SLC22A3: variants seen among roughly 807,000 people sequenced by gnomAD.
The protein encoded by SLC22A3 is solute carrier family 22 member 3.
Under a neutral mutation model 59.1 loss-of-function variants are expected in SLC22A3, and 51 were observed. The ratio of observed to expected loss-of-function variants is 0.86; its 90% CI spans 0.69 to 1.09. SLC22A3 has a LOEUF of 1.09. SLC22A3 is among the 50% of genes least tolerant of loss of function. SLC22A3 has a pLI of 0.00. For missense variants in SLC22A3, 711 were observed against 726.3 expected (o/e 0.98, Z 0.24); for synonymous variants, 325 against 292.0 (o/e 1.11, Z -1.15).
intron 1 of SLC22A3, among the ~76,000 whole-genome samples, chr6:160,364,289 G>A (rs1785127350): frequency 6.6e-6 from 1 of 152,166 alleles, no homozygotes; most frequent in African/African-American, 2.4e-5. Context: ...TGGCTGCATA[G>A]GGGCCCTAAA....
chr6:160,423,157 G>T (rs150728482), intron 5 of SLC22A3, among the ~76,000 whole-genome samples: 4,497 of 152,242 alleles, frequency 0.03, 216 homozygotes, highest in African/African-American at 0.1. Flanking sequence ...CAAAGGACAT[G>T]AACTCATCCT....
chr6:160,355,639 G>A (rs1261672823), intron 1 of SLC22A3, among the ~76,000 whole-genome samples: 1 of 151,994 alleles, frequency 6.6e-6, no homozygotes, highest in Admixed American at 6.5e-5. Context: ...AGGCATGGTG[G>A]CGGCTGCCTG....
intron 1 of SLC22A3, among the ~76,000 whole-genome samples, chr6:160,386,155 G>T (rs1212820715): frequency 6.6e-6 from 1 of 152,238 alleles, no homozygotes. Context: ...CTGTGCACAT[G>T]AAGGAGCCTC....
At chr6:160,436,642 A>G (rs1172121718) in intron 5 of SLC22A3, 138 bp from the exon 6 acceptor site, 2 of 653,168 alleles carry the variant, frequency 3.1e-6, no homozygotes, top group Non-Finnish European at 5.4e-6. Context: ...AAGTGTTTTA[A>G]TTGTCAGGTT....
chr6:160,403,184 A>C (rs561155948), intron 2 of SLC22A3, among the ~76,000 whole-genome samples: 1 of 151,784 alleles, frequency 6.6e-6, no homozygotes, highest in East Asian at 1.9e-4. Context: ...TTGAAGACAT[A>C]AATTACTAAT....
chr6:160,396,840 A>T (rs910117791), intron 1 of SLC22A3, among the ~76,000 whole-genome samples: 3 of 152,194 alleles, frequency 2.0e-5, no homozygotes, highest in Non-Finnish European at 1.5e-5. Context: ...CCACAGGAAA[A>T]TTTTAAAAAT....
intron 1 of SLC22A3, among the ~76,000 whole-genome samples, chr6:160,362,728 C>A (rs1266379483): frequency 6.6e-6 from 1 of 152,180 alleles, no homozygotes; most frequent in Middle Eastern, 3.2e-3. Context: ...AGGGCATGAG[C>A]CTTCTGGCAT....
At chr6:160,377,117 C>T (rs1785624664) in intron 1 of SLC22A3, among the ~76,000 whole-genome samples, 1 of 152,122 alleles carries the variant, frequency 6.6e-6, no homozygotes, top group Non-Finnish European at 1.5e-5. Context: ...TTTCCATGGG[C>T]AGAGCTCTTC....
At chr6:160,438,280 G>A (rs1788423457) in intron 7 of SLC22A3, among the ~76,000 whole-genome samples, 1 of 152,086 alleles carries the variant, frequency 6.6e-6, no homozygotes, top group Non-Finnish European at 1.5e-5. Flanking sequence ...GGGAGGAGGA[G>A]GGCTTCACAT....
chr6:160,374,155 T>C (rs1024724839), intron 1 of SLC22A3, among the ~76,000 whole-genome samples: 1 of 152,244 alleles, frequency 6.6e-6, no homozygotes, highest in African/African-American at 2.4e-5. Flanking sequence ...CGAGGGAATC[T>C]CCTGATCTGC....
intron 10 of SLC22A3, among the ~76,000 whole-genome samples, chr6:160,448,540 T>C (rs1355445696): frequency 1.3e-5 from 2 of 152,122 alleles, no homozygotes; most frequent in African/African-American, 2.4e-5. Flanking sequence ...TAATAGATGA[T>C]AGATAATAAA....
chr6:160,388,486 T>C lies in SLC22A3; in HGVS notation c.430-9493T>C, dbSNP rs427888. ...AGTTCCCAGATGATGCTGTTGCTGC[T>C]AGACCAGGAACCACACTTTGAGAAC... On this transcript the variant is annotated intron_variant, in intron 1 of 10. Coordinates refer to ENST00000275300, the MANE Select transcript of SLC22A3 (RefSeq NM_021977.4). 5.2e-3 allele frequency among the ~76,000 whole-genome samples: 796 copies of C among 152,322 alleles called. 12 individuals carry two copies. The East Asian group carries it at 0.062, about 12-fold the overall frequency.
At chr6:160,412,997 C>CTAGAAAGGAATATAGAAAAATAAGAATA (rs1167691772) in intron 5 of SLC22A3, among the ~76,000 whole-genome samples, 8 of 149,482 alleles carry the variant, frequency 5.4e-5, no homozygotes, top group Admixed American at 1.3e-4. Context: ...AAATAGGCAT[C>CTAGAAAGGAATATAGAAAAATAAGAATA]TAGAAAGGAA....
chr6:160,394,779 T>TCTTGGTGGTCAGTC lies in SLC22A3; in HGVS notation c.430-3199_430-3198insTTGGTGGTCAGTCC, dbSNP rs200050383. On this transcript the variant is annotated intron_variant, in intron 1 of 10. Coordinates refer to ENST00000275300, the MANE Select transcript of SLC22A3 (RefSeq NM_021977.4). Reference sequence around the variant, plus strand: ...GTCAGGAAGGACAGTTCCTGCAGTGTCCTGCCCTGCTGGGTGGCCATTACA... The same window carrying TCTTGGTGGTCAGTC: ...GTCAGGAAGGACAGTTCCTGCAGTGTCTTGGTGGTCAGTCCCTGCCCTGCTGGGTGGCCATTACA... Among the ~76,000 whole-genome samples, 688 of 152,288 alleles carry TCTTGGTGGTCAGTC rather than the reference T, an allele frequency of 4.5e-3. 13 individuals carry two copies. The East Asian group carries it at 0.061, about 14-fold the overall frequency.
intron 1 of SLC22A3, among the ~76,000 whole-genome samples, chr6:160,352,093 G>T (rs750442098): frequency 2.6e-5 from 4 of 152,260 alleles, no homozygotes; most frequent in Non-Finnish European, 4.4e-5. Flanking sequence ...CAGACTGGCA[G>T]ATGGGGAGGC....
intron 1 of SLC22A3, among the ~76,000 whole-genome samples, chr6:160,380,192 A>G (rs562605655): frequency 1.3e-5 from 2 of 152,298 alleles, no homozygotes; most frequent in African/African-American, 4.8e-5. Flanking sequence ...TTGTTTTAGA[A>G]TAAGTTGGAA....
At chr6:160,356,347 C>A (rs186376088) in intron 1 of SLC22A3, among the ~76,000 whole-genome samples, 1 of 152,134 alleles carries the variant, frequency 6.6e-6, no homozygotes, top group Non-Finnish European at 1.5e-5. Flanking sequence ...GGTCTGTGTC[C>A]GCAGAATCCT....
At chr6:160,366,269 A>G (rs1008562338) in intron 1 of SLC22A3, among the ~76,000 whole-genome samples, 2 of 152,226 alleles carry the variant, frequency 1.3e-5, no homozygotes, top group African/African-American at 4.8e-5. Context: ...ACCAAAAGTA[A>G]TTTAGTTACT....
At chr6:160,357,986 G>A (rs1419242860) in intron 1 of SLC22A3, among the ~76,000 whole-genome samples, 1 of 152,092 alleles carries the variant, frequency 6.6e-6, no homozygotes, top group Non-Finnish European at 1.5e-5. Flanking sequence ...ATCTAATAGA[G>A]CATACATAAT....
Sources: gnomAD v4.1 joint callset for allele counts (sites outside exome capture counted in the v4.1 genomes callset) on GRCh38, gnomAD v4.1.1 for gene constraint, MANE v1.5 for transcripts, NCBI Gene and HGNC (gene_info 2026-07-23, HGNC 2026-07-21) for gene names.